KLF12: variants seen among roughly 807,000 people sequenced by gnomAD.
KLF12 encodes KLF transcription factor 12, also known as Krueppel-like factor 12.
A neutral mutation model predicts 37.8 loss-of-function variants in KLF12; 9 were observed. The ratio of observed to expected loss-of-function variants is 0.24; its 90% CI spans 0.14 to 0.42. The LOEUF (loss-of-function observed/expected upper bound fraction) is 0.42. Ranked by LOEUF, KLF12 falls within the 10% of genes least tolerant of loss-of-function variation. KLF12 has a pLI of 1.00. For synonymous variants in KLF12, 208 were observed against 202.1 expected (o/e 1.03, Z -0.25); for missense variants, 411 against 516.0 (o/e 0.80, Z 1.97).
At chr13:73,919,093 A>T (rs1381902493) in intron 3 of KLF12, among the ~76,000 whole-genome samples, 1 of 152,166 alleles carries the variant, frequency 6.6e-6, no homozygotes, top group African/African-American at 2.4e-5. Flanking sequence ...GAGAACTTGT[A>T]ACTACCCAGG....
chr13:74,287,389 A>AGAGAGAGAGAGG, the KLF12 span, among the ~76,000 whole-genome samples: 32 of 150,760 alleles, frequency 2.1e-4, no homozygotes, highest in African/African-American at 7.7e-4. Flanking sequence ...AGAGAGAGAG[A>AGAGAGAGAGAGG]GAGAGAATCC....
chr13:74,019,704 A>G (rs150840362), intron 1 of KLF12, among the ~76,000 whole-genome samples: 1,639 of 152,334 alleles, frequency 0.011, 22 homozygotes, highest in African/African-American at 0.033. Flanking sequence ...CGTTTTTAAG[A>G]GAATAAAAAT....
intron 3 of KLF12, among the ~76,000 whole-genome samples, chr13:73,917,871 TA>T (rs1274887407): frequency 2.0e-5 from 3 of 151,554 alleles, no homozygotes; most frequent in Admixed American, 1.3e-4. Flanking sequence ...TCAAACTAAG[TA>T]AAAAATTCTA....
At chr13:74,276,292 T>C in the KLF12 span, among the ~76,000 whole-genome samples, 1 of 152,156 alleles carries the variant, frequency 6.6e-6, no homozygotes, top group Non-Finnish European at 1.5e-5. Flanking sequence ...TCTAAATTTT[T>C]TGTAGAGATG....
the KLF12 span, among the ~76,000 whole-genome samples, chr13:74,139,800 TAATA>T: frequency 2.0e-5 from 3 of 152,268 alleles, no homozygotes; most frequent in South Asian, 2.1e-4. Flanking sequence ...AGCTGTAAAG[TAATA>T]AATAATCTGC....
intron 1 of KLF12, among the ~76,000 whole-genome samples, chr13:74,044,673 C>A (rs1490059487): frequency 6.6e-6 from 1 of 151,856 alleles, no homozygotes; most frequent in African/African-American, 2.4e-5. Flanking sequence ...GGTGAAACCC[C>A]GTCTCTACTA....
intron 5 of KLF12, among the ~76,000 whole-genome samples, chr13:73,797,142 T>A (rs1157548986): frequency 6.6e-6 from 1 of 152,202 alleles, no homozygotes; most frequent in East Asian, 1.9e-4. Context: ...TTTTATTGTA[T>A]GTAAAAAATA....
intron 2 of KLF12, among the ~76,000 whole-genome samples, chr13:73,974,718 C>T (rs1277632215): frequency 6.6e-6 from 1 of 152,082 alleles, no homozygotes; most frequent in African/African-American, 2.4e-5. Context: ...GTTTAATATA[C>T]TCAAATATAA....
At chr13:74,190,529 C>T in the KLF12 span, among the ~76,000 whole-genome samples, 1 of 152,096 alleles carries the variant, frequency 6.6e-6, no homozygotes, top group Non-Finnish European at 1.5e-5. Flanking sequence ...CCTGATTGTT[C>T]TTCTGGCTAC....
In KLF12 at chr13:74,105,570, G is replaced by A. The variant is rs1593904450; in HGVS notation, c.-32+28169C>T. Among the ~76,000 whole-genome samples the A allele has an allele frequency of 7.2e-5, 11 of 152,178 alleles. No individual in the cohort carries two copies. The East Asian group carries it at 2.1e-3, about 29-fold the overall frequency. On this transcript the variant is annotated intron_variant, in intron 1 of 7. Coordinates refer to ENST00000377669, the MANE Select transcript of KLF12 (RefSeq NM_007249.5). Reference sequence around the variant, plus strand: ...AGCAAGGGCATAGACGGGTAGAGAAGAGGGGAAAAGATCTTTGTTAAAAGT... The same window carrying A: ...AGCAAGGGCATAGACGGGTAGAGAAAAGGGGAAAAGATCTTTGTTAAAAGT...
chr13:73,898,374 C>A (rs1887886812), intron 3 of KLF12, among the ~76,000 whole-genome samples: 1 of 152,142 alleles, frequency 6.6e-6, no homozygotes, highest in Non-Finnish European at 1.5e-5. Flanking sequence ...TTACAGGATA[C>A]TTGTAGAATG....
intron 1 of KLF12, among the ~76,000 whole-genome samples, chr13:74,005,000 TTAAAA>T (rs1892375952): frequency 6.6e-6 from 1 of 152,146 alleles, no homozygotes. Context: ...GATAACGTCT[TTAAAA>T]TAAAAGCCAA....
At chr13:74,287,323 A>G in the KLF12 span, among the ~76,000 whole-genome samples, 1 of 148,604 alleles carries the variant, frequency 6.7e-6, no homozygotes, top group Admixed American at 6.7e-5. Flanking sequence ...CCAGGCCCCA[A>G]GAAACAAACA....
chr13:73,774,529 A>G (rs986379684), intron 5 of KLF12, among the ~76,000 whole-genome samples: 6 of 152,166 alleles, frequency 3.9e-5, no homozygotes, highest in Non-Finnish European at 5.9e-5. Flanking sequence ...CACAGTGGGA[A>G]AACTGGTGAA....
chr13:73,755,883 A>G (rs1879131235), intron 6 of KLF12, among the ~76,000 whole-genome samples: 1 of 152,146 alleles, frequency 6.6e-6, no homozygotes, highest in Non-Finnish European at 1.5e-5. Flanking sequence ...TACTTCACTT[A>G]GAATAATGGT....
chr13:74,209,973 G>T, the KLF12 span, among the ~76,000 whole-genome samples: 1 of 152,166 alleles, frequency 6.6e-6, no homozygotes, highest in African/African-American at 2.4e-5. Flanking sequence ...GCTCTTAAAA[G>T]ATGCCCAAAG....
chr13:74,243,862 A>G, the KLF12 span, among the ~76,000 whole-genome samples: 1 of 152,238 alleles, frequency 6.6e-6, no homozygotes, highest in Non-Finnish European at 1.5e-5. Context: ...AACAGAGTGT[A>G]TAGGCAATGT....
intron 3 of KLF12, among the ~76,000 whole-genome samples, chr13:73,886,980 G>A (rs1490136281): frequency 8.4e-5 from 10 of 119,176 alleles, no homozygotes; most frequent in Admixed American, 2.8e-4. Context: ...CAACAAGAGC[G>A]AAAATCCGTC....
chr13:74,062,223 CTT>C (rs1040177194), intron 1 of KLF12, among the ~76,000 whole-genome samples: 5 of 152,158 alleles, frequency 3.3e-5, no homozygotes, highest in African/African-American at 4.8e-5. Flanking sequence ...TGGAGCACCT[CTT>C]GTTTTAAAAT....
Sources: allele counts gnomAD v4.1 joint callset (sites outside exome capture counted in the v4.1 genomes callset), GRCh38; gene constraint gnomAD v4.1.1; transcripts MANE v1.5; gene names NCBI Gene and HGNC (gene_info 2026-07-23, HGNC 2026-07-21).